The following NDC80 variants were observed in gnomAD, a reference collection of about 807,000 sequenced individuals.
The protein encoded by NDC80 is kinetochore protein NDC80 homolog.
A neutral mutation model predicts 89.3 loss-of-function variants in NDC80; 69 were observed. The ratio of observed to expected loss-of-function variants is 0.77; its 90% CI spans 0.64 to 0.94. NDC80 has a LOEUF of 0.94. Among genes scored for constraint, NDC80 ranks in the 40% least tolerant of loss-of-function variants. The pLI, the probability that NDC80 is intolerant of heterozygous loss-of-function variation, is 0.00. For synonymous variants in NDC80, 243 were observed against 255.6 expected (o/e 0.95, Z 0.47); for missense variants, 593 against 739.6 (o/e 0.80, Z 2.30).
At chr18:2,584,978 T>C in intron 6 of NDC80, 135 bp from the exon 7 acceptor site, 2 of 627,476 alleles carry the variant, frequency 3.2e-6, no homozygotes, top group Non-Finnish European at 5.6e-6. Context: ...TTCAATATAA[T>C]AACCTATCAA....
chr18:2,616,626 G>C lies in NDC80; in HGVS notation c.*52G>C. 9.6e-7 allele frequency: 1 copy of C among 1,044,934 alleles called. No individual in the cohort carries two copies. Among genetic ancestry groups the C allele is most frequent in the Non-Finnish European group, 1.3e-6 (1 of 777,242 alleles). 64.7% of individuals were successfully genotyped at this position (1,044,934 alleles called of 1,614,324 possible). A position where few individuals can be genotyped will look rare whatever the true frequency, so the allele number is the denominator to read the frequency against. On this transcript the variant is annotated 3_prime_UTR_variant, in exon 17 of 17. Coordinates refer to ENST00000261597, the MANE Select transcript of NDC80 (RefSeq NM_006101.3). ...ATCCATAGTGAATAAAATTGTCTCA[G>C]TAAAGTGTATTTTTCTCTCTCATTT...
intron 3 of NDC80, among the ~76,000 whole-genome samples, chr18:2,575,935 T>C (rs1161506781): frequency 6.6e-6 from 1 of 152,010 alleles, no homozygotes; most frequent in Non-Finnish European, 1.5e-5. Flanking sequence ...AAAGAAACTT[T>C]TTTCAATTTA....
chr18:2,577,838 T>C lies in NDC80; in HGVS notation c.272T>C (p.Phe91Ser). 3.1e-6 allele frequency: 5 copies of C among 1,614,152 alleles called. No individual in the cohort carries two copies. The highest frequency in any genetic ancestry group is 4.2e-6 in the Non-Finnish European group (5 of 1,179,996). The change falls in exon 4 of 17, where the codon TTC becomes TCC. Residue 91 changes from phenylalanine to serine, a missense_variant. Phe to Ser is a radical substitution (Grantham distance 155, BLOSUM62 -2). Coordinates refer to ENST00000261597, the MANE Select transcript of NDC80 (RefSeq NM_006101.3). The part of the protein sequence containing the change: ...KDPRPLNDKA[F>S]IQQCIRQLCE... ...CCGAGACCACTTAATGACAAAGCAT[T>C]CATTCAGCAGTGTATTCGACAACTC...
At chr18:2,595,038 T>C (rs1394000732) in intron 10 of NDC80, 1 of 152,404 alleles carries the variant, frequency 6.6e-6, no homozygotes, top group African/African-American at 2.4e-5. Context: ...TGGCAGTCAT[T>C]ATTTATGAAG....
In NDC80 at chr18:2,616,526, A is replaced by C; in HGVS notation, c.1881A>C (p.Arg627Ser). The change falls in exon 17 of 17, where the codon AGA becomes AGC. Residue 627 changes from arginine (R) to serine (S), a missense_variant. Physicochemically the swap from Arg to Ser is moderately radical, Grantham distance 110. Transcript: ENST00000261597. ...EDLSENIKEI[R>S]DKYEKKATLI... is the part of the protein sequence containing the mutation. ...TCTCGGAAAATATTAAAGAGATTAG[A>C]GATAAGTATGAGAAGAAAGCTACTC... 3 of 1,493,398 alleles carry C rather than the reference A, an allele frequency of 2.0e-6. No individual in the cohort carries two copies. The highest frequency in any genetic ancestry group is 2.7e-6 in the Non-Finnish European group (3 of 1,101,468). 92.5% of individuals were successfully genotyped at this position (1,493,398 alleles called of 1,614,324 possible).
At position 2,610,756 on chromosome 18, in the gene NDC80, CA is replaced by C. The variant is rs2072739102; in HGVS notation, c.1689-2del. On this transcript the variant is annotated splice_acceptor_variant, in intron 15 of 16. Coordinates refer to ENST00000261597, the MANE Select transcript of NDC80 (RefSeq NM_006101.3). LOFTEE classifies it high-confidence loss of function. ...AACTTAAACAAGAGTTTTTGTTCTA[CA>C]GATACCAACTAGTTGTGCAAACCAC... The C allele has an allele frequency of 6.4e-7, 1 of 1,572,170 alleles. No individual in the cohort carries two copies. The highest frequency in any genetic ancestry group is 1.4e-5 in the African/African-American group (1 of 73,878).
chr18:2,579,280 A>AT (rs556211464), intron 6 of NDC80: 136 of 335,858 alleles, frequency 4.0e-4, no homozygotes, highest in African/African-American at 2.5e-3. Flanking sequence ...TAGGAAATTC[A>AT]TTTTTTATTT....
At chr18:2,580,225 C>T (rs549299638) in intron 6 of NDC80, among the ~76,000 whole-genome samples, 115 of 151,616 alleles carry the variant, frequency 7.6e-4, no homozygotes, top group African/African-American at 2.6e-3. Flanking sequence ...ATCTACTCTT[C>T]TGATTTTTTT....
chr18:2,572,350 A>G (rs1598362379), intron 1 of NDC80, among the ~76,000 whole-genome samples: 1 of 152,158 alleles, frequency 6.6e-6, no homozygotes, highest in Non-Finnish European at 1.5e-5. Context: ...AGCAGATGTG[A>G]AGGGAGTGAC....
At chr18:2,603,564 G>A (rs2072695665) in intron 13 of NDC80, among the ~76,000 whole-genome samples, 1 of 151,328 alleles carries the variant, frequency 6.6e-6, no homozygotes, top group Non-Finnish European at 1.5e-5. Context: ...ATAAATTAGA[G>A]TAACAAAACA....
intron 6 of NDC80, chr18:2,582,769 T>C (rs2072584732): frequency 6.6e-6 from 1 of 152,224 alleles, no homozygotes; most frequent in Admixed American, 6.5e-5. Context: ...ATGACCTCTA[T>C]TTGTTCATTG....
intron 13 of NDC80, among the ~76,000 whole-genome samples, chr18:2,603,350 T>TA (rs2072693553): frequency 8.6e-6 from 1 of 116,330 alleles, no homozygotes; most frequent in African/African-American, 3.6e-5. Flanking sequence ...AGAGAATATG[T>TA]TTATACATAT....
chr18:2,579,727 C>T (rs955075577), intron 6 of NDC80, among the ~76,000 whole-genome samples: 1 of 152,052 alleles, frequency 6.6e-6, no homozygotes, highest in Non-Finnish European at 1.5e-5. Context: ...ATGACCGGCC[C>T]CTTGTGATAT....
chr18:2,606,883 G>A (rs1406100055), intron 14 of NDC80, among the ~76,000 whole-genome samples: 1 of 151,914 alleles, frequency 6.6e-6, no homozygotes, highest in African/African-American at 2.4e-5. Context: ...ATATGTAGTT[G>A]CCCACCAAGA....
rs1163567361 is a variant in NDC80 at position 2,595,467 on chromosome 18, T to C, written c.1067T>C (p.Ile356Thr). ...KQENTRLQNI[I>T]DNQKYSVADI... ...GAGAACACTCGACTACAGAATATCATTGACAACCAGAAGTACTCAGTTGCA... is the reference window on the plus strand; with the variant it reads ...GAGAACACTCGACTACAGAATATCACTGACAACCAGAAGTACTCAGTTGCA... The change falls in exon 11 of 17, where the codon ATT becomes ACT. Residue 356 changes from isoleucine to threonine, a missense_variant. Coordinates refer to ENST00000261597, the MANE Select transcript of NDC80 (RefSeq NM_006101.3). 2 of 1,613,726 alleles carry C rather than the reference T, an allele frequency of 1.2e-6. No individual in the cohort carries two copies. Among genetic ancestry groups the C allele is most frequent in the East Asian group, 2.2e-5 (1 of 44,856 alleles).
At chr18:2,614,646 A>G (rs1468098151) in intron 16 of NDC80, among the ~76,000 whole-genome samples, 2 of 92,134 alleles carry the variant, frequency 2.2e-5, no homozygotes, top group Non-Finnish European at 4.9e-5. Flanking sequence ...AGAAAGAAAG[A>G]AAGAAAGAAA....
At chr18:2,579,509 C>A in intron 6 of NDC80, among the ~76,000 whole-genome samples, 1 of 152,130 alleles carries the variant, frequency 6.6e-6, no homozygotes, top group Non-Finnish European at 1.5e-5. Flanking sequence ...CTCACTTCAA[C>A]CTCCGCTTCC....
chr18:2,603,356 C>CATATATATGTATATATATATATAT (rs1555618773), intron 13 of NDC80, among the ~76,000 whole-genome samples: 1 of 120,800 alleles, frequency 8.3e-6, no homozygotes, highest in Non-Finnish European at 1.7e-5. Flanking sequence ...TATGTTTATA[C>CATATATATGTATATATATATATAT]ATATATATAT....
At chr18:2,615,538 TCTC>T (rs1185081519) in intron 16 of NDC80, among the ~76,000 whole-genome samples, 5 of 152,216 alleles carry the variant, frequency 3.3e-5, no homozygotes, top group African/African-American at 1.2e-4. Flanking sequence ...TGCAGGATAA[TCTC>T]CTTTTCTCAA....
Sources: gnomAD v4.1 joint callset for allele counts (sites outside exome capture counted in the v4.1 genomes callset) on GRCh38, gnomAD v4.1.1 for gene constraint, MANE v1.5 for transcripts, NCBI Gene and HGNC (gene_info 2026-07-23, HGNC 2026-07-21) for gene names.